The following PCDHGB6 variants were observed in gnomAD, a reference collection of about 807,000 sequenced individuals.
The protein encoded by PCDHGB6 is protocadherin gamma subfamily B, 6, also known as protocadherin gamma-B6.
A neutral mutation model predicts 59.1 loss-of-function variants in PCDHGB6; 51 were observed. The ratio of observed to expected loss-of-function variants is 0.86; its 90% CI spans 0.69 to 1.09. The LOEUF (loss-of-function observed/expected upper bound fraction) is 1.09, where lower values mean the gene tolerates loss of function less well. PCDHGB6 is among the 50% of genes least tolerant of loss of function. PCDHGB6 has a pLI of 0.00. For synonymous variants in PCDHGB6, 466 were observed against 495.1 expected (o/e 0.94, Z 0.78); for missense variants, 1,148 against 1,205.1 (o/e 0.95, Z 0.70).
At chr5:141,413,102 G>A in intron 1 of PCDHGB6, 1 of 1,480,778 alleles carries the variant, frequency 6.8e-7, no homozygotes, top group Non-Finnish European at 9.1e-7. Context: ...TGAAGCCACA[G>A]AAAGACAAAG....
rs933089146 is a variant in PCDHGB6, at chr5:141,490,786, A to G, written c.2419-4021A>G. ...GTATGTCAACCCAGAGGATGGACGGATCTTTGCCCAGCGTACCTTTGACTA... is the reference window on the plus strand; with the variant it reads ...GTATGTCAACCCAGAGGATGGACGGGTCTTTGCCCAGCGTACCTTTGACTA... On this transcript the variant is annotated intron_variant, in intron 1 of 3. Coordinates refer to ENST00000520790, the MANE Select transcript of PCDHGB6 (RefSeq NM_018926.3). This position sits in a 1 kb window ranked among gnomAD's most constrained non-coding sequence, Gnocchi z 5.4. The G allele has an allele frequency of 1.9e-6, 3 of 1,614,056 alleles. No individual in the cohort carries two copies. The highest frequency in any genetic ancestry group is 1.7e-5 in the Admixed American group (1 of 60,016).
At position 141,410,048 on chromosome 5, in the gene PCDHGB6, C is replaced by T. The variant is rs1471679304; in HGVS notation, c.1846C>T (p.Leu616Phe). The T allele has an allele frequency of 4.3e-6, 7 of 1,613,042 alleles. No individual in the cohort carries two copies. The highest frequency in any genetic ancestry group is 4.2e-6 in the Non-Finnish European group (5 of 1,179,788). Residue 616 changes from leucine (L) to phenylalanine (F), a missense_variant, in exon 1 of 4, where the codon CTC becomes TTC. By Grantham distance (22) the Leu-to-Phe change is conservative (BLOSUM62 0). This residue lies in a region of PCDHGB6 where 549 missense variants were observed against 527.5 expected (regional missense o/e 1.04). Coordinates refer to ENST00000520790, the MANE Select transcript of PCDHGB6 (RefSeq NM_018926.3). ...CGTGCTGCAGGCCAGTGAGCCCGGA[C>T]TCTTCAGCCTGGGGCTGCGCACTGG... ...YHVLQASEPG[L>F]FSLGLRTGEV...
rs2099385215 is a variant in PCDHGB6 at position 141,476,099 on chromosome 5, G to A, written c.2419-18708G>A. On this transcript the variant is annotated intron_variant, in intron 1 of 3. Coordinates refer to ENST00000520790, the MANE Select transcript of PCDHGB6 (RefSeq NM_018926.3). This position sits in a 1 kb window ranked among gnomAD's most constrained non-coding sequence, Gnocchi z 7.6. ...GGGACGATCTGGACCCCGCTGAGAGGAACTGCTTTTGAGTGAGATGGTCCC... is the reference window on the plus strand; with the variant it reads ...GGGACGATCTGGACCCCGCTGAGAGAAACTGCTTTTGAGTGAGATGGTCCC... 1 of 1,574,916 alleles carries A rather than the reference G, an allele frequency of 6.3e-7. No individual in the cohort carries two copies.
Position 141,427,654 on chromosome 5 carries a change from TCCACGTGGC to T in PCDHGB6, c.2418+17036_2418+17044del, listed in dbSNP as rs562748605. On this transcript the variant is annotated intron_variant, in intron 1 of 3. Coordinates refer to ENST00000520790, the MANE Select transcript of PCDHGB6 (RefSeq NM_018926.3). ...GTTTTCCACCAAGTCTCCTACGTGG[TCCACGTGGC>T]CGAAAACAACCTTCCCGGAGCCTCC... 2.0e-4 allele frequency: 148 copies of T among 727,622 alleles called. No individual in the cohort carries two copies. The African/African-American group carries it at 2.4e-3, about 12-fold the overall frequency. The allele number at this position is 727,622 out of a possible 1,614,324, so 45.1% of individuals were successfully genotyped here.
rs74792071 is a variant in PCDHGB6 at position 141,437,248 on chromosome 5, T to C, written c.2418+26628T>C. 4.6e-3 allele frequency among the ~76,000 whole-genome samples: 704 copies of C among 152,360 alleles called. 4 individuals carry two copies. The highest frequency in any genetic ancestry group is 0.015 in the African/African-American group (641 of 41,594). On this transcript the variant is annotated intron_variant, in intron 1 of 3. Transcript: ENST00000520790. ...CATAAAATTATGTCAAGGACTTTCC[T>C]TGTCTTTTTATGTGTATGACAGATG... is the stretch of plus-strand genomic sequence containing the variant.
At chr5:141,464,131 G>C (rs982496493) in intron 1 of PCDHGB6, among the ~76,000 whole-genome samples, 19 of 152,056 alleles carry the variant, frequency 1.2e-4, no homozygotes, top group Admixed American at 2.0e-4. Flanking sequence ...TGGGTGTGGT[G>C]GTGGGCGCCT....
intron 1 of PCDHGB6, chr5:141,478,196 C>T: frequency 6.2e-7 from 1 of 1,614,068 alleles, no homozygotes; most frequent in Middle Eastern, 1.6e-4. Context: ...CACCTTTTAT[C>T]TACTTCTTTC....
chr5:141,429,395 A>AAT (rs2097212201), intron 1 of PCDHGB6, among the ~76,000 whole-genome samples: 7 of 152,008 alleles, frequency 4.6e-5, no homozygotes, highest in African/African-American at 1.7e-4. Flanking sequence ...TTTAAAAAAA[A>AAT]TTGAGATTAA....
rs772884830 is a variant in PCDHGB6 at position 141,491,791 on chromosome 5, C to T, written c.2419-3016C>T. ...TAAGGGATTGAACTTGCATCCACTCCTCTCCGGCCGGCTTGGTCGCTGGCT... is the reference window on the plus strand; with the variant it reads ...TAAGGGATTGAACTTGCATCCACTCTTCTCCGGCCGGCTTGGTCGCTGGCT... On this transcript the variant is annotated intron_variant, in intron 1 of 3. Coordinates refer to ENST00000520790, the MANE Select transcript of PCDHGB6 (RefSeq NM_018926.3). This position sits in a 1 kb window ranked among gnomAD's most constrained non-coding sequence, Gnocchi z 6.9. The T allele has an allele frequency of 3.3e-6, 5 of 1,518,376 alleles. No homozygotes were observed. In the African/African-American group the frequency reaches 4.2e-5, roughly 13 times the overall value. The allele number at this position is 1,518,376 out of a possible 1,614,324, so 94.1% of individuals were successfully genotyped here.
intron 1 of PCDHGB6, chr5:141,418,261 G>T (rs763160633): frequency 1.9e-6 from 3 of 1,613,938 alleles, no homozygotes; most frequent in Non-Finnish European, 2.5e-6. Flanking sequence ...CTCAATTCCG[G>T]AAAGATGAAA....
chr5:141,502,246 T>A (rs1449536622), intron 2 of PCDHGB6, among the ~76,000 whole-genome samples: 1 of 152,206 alleles, frequency 6.6e-6, no homozygotes, highest in African/African-American at 2.4e-5. Flanking sequence ...TTTATCCTTT[T>A]TTTTAATCCA....
intron 1 of PCDHGB6, 78 bp from the exon 2 acceptor site, chr5:141,494,729 C>CG: frequency 6.2e-7 from 1 of 1,610,168 alleles, no homozygotes; most frequent in South Asian, 1.1e-5. Context: ...CCTTCTCTCC[C>CG]GGCCCATCCC....
chr5:141,502,487 C>A (rs563658817), intron 2 of PCDHGB6, among the ~76,000 whole-genome samples: 1 of 152,182 alleles, frequency 6.6e-6, no homozygotes, highest in Non-Finnish European at 1.5e-5. Context: ...CACACTGGGA[C>A]TCATCTAACG....
chr5:141,497,240 GA>G (rs1221446648), intron 2 of PCDHGB6, among the ~76,000 whole-genome samples: 125 of 152,188 alleles, frequency 8.2e-4, no homozygotes, highest in African/African-American at 3.0e-3. Flanking sequence ...AGGCTTCTAG[GA>G]GGAGGTGACA....
intron 1 of PCDHGB6, among the ~76,000 whole-genome samples, chr5:141,492,206 G>T (rs1180294159): frequency 6.6e-6 from 1 of 152,204 alleles, no homozygotes; most frequent in African/African-American, 2.4e-5. Context: ...TTAGGTGTGC[G>T]CGCGGGGCTC....
chr5:141,504,315 A>G (rs573050088), intron 2 of PCDHGB6, among the ~76,000 whole-genome samples: 1 of 152,248 alleles, frequency 6.6e-6, no homozygotes, highest in East Asian at 1.9e-4. Flanking sequence ...AGTTTCTAAA[A>G]GTCTCACTTA....
chr5:141,501,621 A>T (rs1348614977), intron 2 of PCDHGB6, among the ~76,000 whole-genome samples: 1 of 152,100 alleles, frequency 6.6e-6, no homozygotes, highest in Non-Finnish European at 1.5e-5. Context: ...ACTCTGGTAT[A>T]GTCTCTCAAC....
At chr5:141,455,103 C>T (rs1319698016) in intron 1 of PCDHGB6, among the ~76,000 whole-genome samples, 1 of 151,862 alleles carries the variant, frequency 6.6e-6, no homozygotes, top group South Asian at 2.1e-4. Flanking sequence ...TGAGCCACTG[C>T]GCCCGGTGGG....
intron 1 of PCDHGB6, chr5:141,412,306 A>G (rs1160364599): frequency 1.3e-5 from 2 of 152,238 alleles, no homozygotes; most frequent in Non-Finnish European, 2.9e-5. Flanking sequence ...TCTCATTACA[A>G]TGCAAACAGT....
Sources: allele counts gnomAD v4.1 joint callset (sites outside exome capture counted in the v4.1 genomes callset), GRCh38; gene constraint gnomAD v4.1.1; regional missense constraint gnomAD v4.1.1; non-coding constraint Gnocchi (gnomAD v3.1); transcripts MANE v1.5; gene names NCBI Gene and HGNC (gene_info 2026-07-23, HGNC 2026-07-21).